The following SLC4A4 variants were observed in gnomAD, a reference collection of about 807,000 sequenced individuals.
SLC4A4 encodes solute carrier family 4 member 4.
SLC4A4 carries 27 observed loss-of-function variants against 111.5 expected under a neutral mutation model. That is an observed-to-expected ratio of 0.24 (90% CI 0.18 to 0.33). SLC4A4 has a LOEUF of 0.33. SLC4A4 is among the 10% of genes least tolerant of loss of function. The pLI is 1.00. For synonymous variants in SLC4A4, 443 were observed against 463.4 expected, an observed-to-expected ratio of 0.96 and a Z score of 0.57; for missense variants, 909 against 1,315.5, an observed-to-expected ratio of 0.69 and a Z score of 4.78.
At chr4:71,212,585 A>G (rs116976507) in intron 1 of SLC4A4, among the ~76,000 whole-genome samples, 1 of 152,222 alleles carries the variant, frequency 6.6e-6, no homozygotes, top group Non-Finnish European at 1.5e-5. Flanking sequence ...GAACCATGGG[A>G]TATGAAAGTG....
intron 23 of SLC4A4, among the ~76,000 whole-genome samples, chr4:71,562,882 T>A (rs1737120452): frequency 6.6e-6 from 1 of 151,834 alleles, no homozygotes; most frequent in Non-Finnish European, 1.5e-5. Context: ...AAAGGAATTT[T>A]CCATGTAGGT....
intron 20 of SLC4A4, among the ~76,000 whole-genome samples, chr4:71,551,875 A>T (rs75473764): frequency 6.6e-6 from 1 of 151,878 alleles, no homozygotes; most frequent in African/African-American, 2.4e-5. Flanking sequence ...TAGATTTTCA[A>T]GATTTAAGGG....
intron 23 of SLC4A4, among the ~76,000 whole-genome samples, chr4:71,561,423 C>T (rs915069340): frequency 4.4e-4 from 67 of 151,744 alleles, no homozygotes; most frequent in Non-Finnish European, 1.6e-4. Flanking sequence ...AGTGGCAAGG[C>T]CAAAACTCAA....
rs34495804 is a variant in SLC4A4 at position 71,142,761 on chromosome 4, CTTTTTT to C, written c.-2+49988_-2+49993del. On this transcript the variant is annotated intron_variant, in intron 2 of 26. Coordinates refer to the SLC4A4 transcript ENST00000649996. ...TCCAAAGGCACAAACTTTTCTCACT[CTTTTTT>C]TTTTTTTTTTTTTTTTTTAGCTTTC... 5.1e-5 allele frequency among the ~76,000 whole-genome samples: 4 copies of C among 78,040 alleles called. No homozygotes were observed. The East Asian group carries it at 1.2e-3, about 23-fold the overall frequency. 51.2% of individuals were successfully genotyped at this position (78,040 alleles called of 152,430 possible).
chr4:71,448,237 T>G (rs1725416507), intron 9 of SLC4A4, among the ~76,000 whole-genome samples: 1 of 146,476 alleles, frequency 6.8e-6, no homozygotes, highest in Non-Finnish European at 1.5e-5. Flanking sequence ...GGAGAATCAC[T>G]AGAACCTGAG....
At chr4:71,534,492 A>G in intron 18 of SLC4A4, 104 bp downstream of exon 18, 1 of 1,087,068 alleles carries the variant, frequency 9.2e-7, no homozygotes, top group Non-Finnish European at 1.4e-6. Context: ...GAGTTACTAT[A>G]GCTAATGTTC....
intron 1 of SLC4A4, among the ~76,000 whole-genome samples, chr4:71,070,080 C>G (rs976538507): frequency 1.3e-5 from 2 of 152,108 alleles, no homozygotes; most frequent in Non-Finnish European, 2.9e-5. Context: ...ATGTTTGTCT[C>G]CCCTTCACTA....
intron 7 of SLC4A4, chr4:71,436,935 G>A (rs1324008901): frequency 3.2e-4 from 93 of 294,514 alleles, no homozygotes; most frequent in Non-Finnish European, 1.7e-4. Context: ...TGGGAAATGA[G>A]TTTGCCTATT....
rs186111922 is a variant in SLC4A4 at position 71,339,581 on chromosome 4, C to T, written c.389+76C>T. On this transcript the variant is annotated intron_variant, in intron 4 of 25. Transcript: ENST00000264485. ...GGCAAGATGCTTGATCCTGGAGTGC[C>T]GTTCTTTAGCCTTAGCACTTTGAAT... 160 of 1,452,018 alleles carry T rather than the reference C, an allele frequency of 1.1e-4. 2 individuals carry two copies. In the African/African-American group the frequency reaches 1.6e-3, roughly 15 times the overall value. 89.9% of individuals were successfully genotyped at this position (1,452,018 alleles called of 1,614,324 possible). A position where few individuals can be genotyped will look rare whatever the true frequency, so the allele number is the denominator to read the frequency against.
intron 16 of SLC4A4, among the ~76,000 whole-genome samples, chr4:71,501,812 C>A (rs1730958539): frequency 6.6e-6 from 1 of 151,672 alleles, no homozygotes; most frequent in South Asian, 2.1e-4. Context: ...CAGGGGCGTG[C>A]CACCATGGGA....
At position 71,443,083 on chromosome 4, in the gene SLC4A4, ACTCT is replaced by A. The variant is rs1180993467; in HGVS notation, c.965+2341_965+2344del. Among the ~76,000 whole-genome samples the A allele has an allele frequency of 3.6e-3, 114 of 31,432 alleles. 1 individual carries two copies. Among genetic ancestry groups the A allele is most frequent in the African/African-American group, 7.9e-3 (41 of 5,168 alleles). 20.6% of individuals were successfully genotyped at this position (31,432 alleles called of 152,430 possible). On this transcript the variant is annotated intron_variant, in intron 8 of 25. Transcript: ENST00000264485. ...CTTATGTCTATCCACAGAGGCCACT[ACTCT>A]CTCTCTCTCTCTCTCTCTCTCTCTC...
At chr4:71,073,078 T>C (rs866313428) in intron 1 of SLC4A4, among the ~76,000 whole-genome samples, 1 of 152,246 alleles carries the variant, frequency 6.6e-6, no homozygotes. Flanking sequence ...TCCTTTGGAT[T>C]TTTAAACTGG....
chr4:71,250,577 T>C (rs1335834320), intron 2 of SLC4A4, among the ~76,000 whole-genome samples: 1 of 152,120 alleles, frequency 6.6e-6, no homozygotes, highest in African/African-American at 2.4e-5. Context: ...TACTACCTTA[T>C]TCCAAAAAGC....
chr4:71,329,102 C>T (rs1037203026), intron 3 of SLC4A4, among the ~76,000 whole-genome samples: 1 of 151,850 alleles, frequency 6.6e-6, no homozygotes, highest in African/African-American at 2.4e-5. Context: ...GTTCTTGGCA[C>T]CTCTATAAAA....
At chr4:71,143,562 T>C (rs944809698) in intron 2 of SLC4A4, among the ~76,000 whole-genome samples, 4 of 152,178 alleles carry the variant, frequency 2.6e-5, no homozygotes, top group South Asian at 2.1e-4. Context: ...TACAGTCCCA[T>C]CAACAGTGTA....
intron 2 of SLC4A4, among the ~76,000 whole-genome samples, chr4:71,171,304 C>G (rs1480312667): frequency 6.6e-6 from 1 of 151,878 alleles, no homozygotes; most frequent in South Asian, 2.1e-4. Flanking sequence ...CTTTATCCAT[C>G]AAGGACCAAG....
At chr4:71,260,658 C>T (rs992229184) in intron 3 of SLC4A4, among the ~76,000 whole-genome samples, 7 of 152,112 alleles carry the variant, frequency 4.6e-5, no homozygotes, top group African/African-American at 7.2e-5. Flanking sequence ...TCAGAAGGGA[C>T]ACTTGTGTTG....
At chr4:71,394,798 G>A (rs905270410) in intron 6 of SLC4A4, among the ~76,000 whole-genome samples, 5 of 152,072 alleles carry the variant, frequency 3.3e-5, no homozygotes, top group African/African-American at 4.8e-5. Flanking sequence ...ATTGGAGACC[G>A]TTATTCTAAG....
chr4:71,534,665 C>T (rs148999464), intron 18 of SLC4A4, among the ~76,000 whole-genome samples: 1 of 152,140 alleles, frequency 6.6e-6, no homozygotes, highest in East Asian at 1.9e-4. Context: ...TAGCCACAGT[C>T]ATCCTACATC....
Sources: gnomAD v4.1 joint callset for allele counts (sites outside exome capture counted in the v4.1 genomes callset) on GRCh38, gnomAD v4.1.1 for gene constraint, MANE v1.5 for transcripts, NCBI Gene and HGNC (gene_info 2026-07-23, HGNC 2026-07-21) for gene names.